PTPRT: variants seen among roughly 807,000 people sequenced by gnomAD.
PTPRT encodes the protein receptor-type tyrosine-protein phosphatase T.
Under a neutral mutation model 176.8 loss-of-function variants are expected in PTPRT, and 56 were observed. The ratio of observed to expected loss-of-function variants is 0.32; its 90% confidence interval spans 0.26 to 0.40. PTPRT has a LOEUF of 0.40. PTPRT is among the 10% of genes least tolerant of loss of function. The pLI is 1.00. For synonymous variants in PTPRT, 783 were observed against 739.0 expected (o/e 1.06, Z -0.96); for missense variants, 1,540 against 1,908.2 (o/e 0.81, Z 3.60).
At chr20:42,952,189 A>G (rs1372611007) in intron 1 of PTPRT, among the ~76,000 whole-genome samples, 1 of 152,158 alleles carries the variant, frequency 6.6e-6, no homozygotes, top group Non-Finnish European at 1.5e-5. Context: ...GCTCCACACC[A>G]CATGAGTCCA....
At chr20:42,776,203 C>G (rs1268827415) in intron 4 of PTPRT, among the ~76,000 whole-genome samples, 3 of 152,202 alleles carry the variant, frequency 2.0e-5, no homozygotes, top group Non-Finnish European at 4.4e-5. Context: ...CTCTGCACCT[C>G]TATCCACCTC....
At chr20:42,507,062 A>G (rs1002596657) in intron 7 of PTPRT, among the ~76,000 whole-genome samples, 5 of 152,164 alleles carry the variant, frequency 3.3e-5, no homozygotes, top group Non-Finnish European at 7.3e-5. Context: ...ATGCAGGAGT[A>G]AAAACACGCC....
At chr20:42,175,988 A>C in intron 16 of PTPRT, among the ~76,000 whole-genome samples, 1 of 152,188 alleles carries the variant, frequency 6.6e-6, no homozygotes, top group East Asian at 1.9e-4. Flanking sequence ...TATCATTTTC[A>C]TGAATTACAA....
intron 13 of PTPRT, among the ~76,000 whole-genome samples, chr20:42,272,611 AC>A (rs1264422505): frequency 1.3e-5 from 2 of 152,080 alleles, no homozygotes; most frequent in African/African-American, 4.8e-5. Flanking sequence ...CTAAACTATA[AC>A]TAGGGTGTCC....
rs953118384 is a variant in PTPRT at position 42,754,193 on chromosome 20, AT to A, written c.859+2268del. On this transcript the variant is annotated intron_variant, in intron 6 of 30. Coordinates refer to ENST00000373187, the MANE Select transcript of PTPRT (RefSeq NM_007050.6). ...TAATAATAATAAATCTTCAAAAAAA[AT>A]TTTTTTTTTGAGATGGAGTCTCGCT... Among the ~76,000 whole-genome samples the A allele has an allele frequency of 3.4e-3, 456 of 133,978 alleles. 2 individuals are homozygous for A. Among genetic ancestry groups the A allele is most frequent in the African/African-American group, 0.011 (435 of 38,040 alleles). The allele number at this position is 133,978 out of a possible 152,430, so 87.9% of individuals were successfully genotyped here.
chr20:43,103,750 G>GTAATAA (rs3092031), intron 1 of PTPRT, among the ~76,000 whole-genome samples: 14,201 of 145,986 alleles, frequency 0.097, 835 homozygotes, highest in South Asian at 0.16. Context: ...GGGGAGATCA[G>GTAATAA]TAATAATAAT....
intron 1 of PTPRT, among the ~76,000 whole-genome samples, chr20:43,115,655 A>G (rs1211503193): frequency 6.6e-6 from 1 of 152,204 alleles, no homozygotes; most frequent in Non-Finnish European, 1.5e-5. Flanking sequence ...CAGCGCCCAC[A>G]ACAAAAAACT....
chr20:42,117,476 T>C (rs1175662815), intron 21 of PTPRT, among the ~76,000 whole-genome samples: 1 of 152,070 alleles, frequency 6.6e-6, no homozygotes, highest in Non-Finnish European at 1.5e-5. Flanking sequence ...CCAGGAGTAG[T>C]TGAGGACCAC....
chr20:42,664,866 A>C (rs1285269857), intron 7 of PTPRT, among the ~76,000 whole-genome samples: 1 of 152,240 alleles, frequency 6.6e-6, no homozygotes, highest in African/African-American at 2.4e-5. Context: ...CTATTTAATA[A>C]ATGGTTTTGG....
intron 11 of PTPRT, among the ~76,000 whole-genome samples, chr20:42,341,081 G>A (rs1479789533): frequency 6.6e-6 from 1 of 151,836 alleles, no homozygotes; most frequent in African/African-American, 2.4e-5. Flanking sequence ...TGGTCACACC[G>A]AGAGCCATCA....
At chr20:43,142,297 C>T (rs2014034508) in intron 1 of PTPRT, among the ~76,000 whole-genome samples, 1 of 152,236 alleles carries the variant, frequency 6.6e-6, no homozygotes, top group African/African-American at 2.4e-5. Context: ...AGCCAGCACA[C>T]AGAAGTGGGA....
chr20:42,054,315 T>C, the PTPRT span, among the ~76,000 whole-genome samples: 1 of 152,154 alleles, frequency 6.6e-6, no homozygotes, highest in Non-Finnish European at 1.5e-5. Flanking sequence ...CTGGTTATAT[T>C]GTTTTGGGTG....
rs2057156895 is a variant in PTPRT at position 42,282,490 on chromosome 20, T to C, written c.2175A>G (p.Lys725=). The C allele has an allele frequency of 1.2e-6, 2 of 1,610,250 alleles. No homozygotes were observed. The highest frequency in any genetic ancestry group is 1.3e-5 in the African/African-American group (1 of 74,766). Residue 725 remains lysine, a splice_region_variant and synonymous_variant, in exon 13 of 31, where the codon AAA becomes AAG. Coordinates refer to ENST00000373187, the MANE Select transcript of PTPRT (RefSeq NM_007050.6). ...TKINCVRLAT[K]GASTQNSNTV... ...ACAGACAAGCAGATGCCAACATACC[T>C]TTTGTAGCCAGACGAACACAGTTGA...
intron 1 of PTPRT, among the ~76,000 whole-genome samples, chr20:42,973,233 T>A (rs1982756114): frequency 6.6e-6 from 1 of 152,070 alleles, no homozygotes; most frequent in Non-Finnish European, 1.5e-5. Context: ...CAGAACCAAA[T>A]GGATGGTGGT....
intron 1 of PTPRT, among the ~76,000 whole-genome samples, chr20:42,909,256 A>G (rs2079516383): frequency 2.0e-5 from 3 of 152,124 alleles, no homozygotes; most frequent in Admixed American, 6.5e-5. Flanking sequence ...TGATCTAGCT[A>G]TCTATATTCT....
At chr20:42,063,603 A>AT in the PTPRT span, 1 of 152,190 alleles carries the variant, frequency 6.6e-6, no homozygotes, top group African/African-American at 2.4e-5. Flanking sequence ...TTATATTAAA[A>AT]TTGGTTCTTC....
intron 7 of PTPRT, among the ~76,000 whole-genome samples, chr20:42,515,784 G>A (rs1159148587): frequency 6.6e-6 from 1 of 151,710 alleles, no homozygotes; most frequent in African/African-American, 2.4e-5. Context: ...AAATCATGCT[G>A]CTATAAAGAC....
At chr20:42,040,538 A>C in the PTPRT span, among the ~76,000 whole-genome samples, 3 of 152,124 alleles carry the variant, frequency 2.0e-5, no homozygotes, top group Non-Finnish European at 4.4e-5. Context: ...ACTTTCCCTC[A>C]CCATCCAGAT....
At chr20:42,438,550 T>G (rs1378885136) in intron 9 of PTPRT, among the ~76,000 whole-genome samples, 1 of 152,196 alleles carries the variant, frequency 6.6e-6, no homozygotes, top group Non-Finnish European at 1.5e-5. Context: ...GGATGAAAGC[T>G]TCACACAGAC....
Sources: allele counts gnomAD v4.1 joint callset (sites outside exome capture counted in the v4.1 genomes callset), GRCh38; gene constraint gnomAD v4.1.1; transcripts MANE v1.5; gene names NCBI Gene and HGNC (gene_info 2026-07-23, HGNC 2026-07-21).